Variants in MCF2L2 observed in about 807,000 individuals in gnomAD.
The protein encoded by MCF2L2 is probable guanine nucleotide exchange factor MCF2L2.
Under a neutral mutation model 150.2 loss-of-function variants are expected in MCF2L2, and 102 were observed. That is an observed-to-expected ratio of 0.68 (90% CI 0.58 to 0.80). The LOEUF (loss-of-function observed/expected upper bound fraction) is 0.80, where lower values mean the gene tolerates loss of function less well. Ranked by LOEUF, MCF2L2 falls within the 30% of genes least tolerant of loss-of-function variation. The probability of loss-of-function intolerance (pLI) is 0.00; values close to 1 mark genes in which losing one functional copy is unlikely to be tolerated. For missense variants in MCF2L2, 1,256 were observed against 1,372.8 expected (o/e 0.91, Z 1.34); for synonymous variants, 465 against 491.3 (o/e 0.95, Z 0.71).
chr3:183,380,520 G>T (rs1263719777), intron 2 of MCF2L2, among the ~76,000 whole-genome samples: 1 of 152,142 alleles, frequency 6.6e-6, no homozygotes, highest in Non-Finnish European at 1.5e-5. Context: ...TCCTGCCTCA[G>T]CCTCGTGAGT....
At chr3:183,319,216 A>G (rs1729713756) in intron 6 of MCF2L2, among the ~76,000 whole-genome samples, 1 of 152,256 alleles carries the variant, frequency 6.6e-6, no homozygotes, top group South Asian at 2.1e-4. Flanking sequence ...AAAGATGAAG[A>G]AATCACTTTT....
At chr3:183,410,670 G>T (rs537806761) in intron 1 of MCF2L2, among the ~76,000 whole-genome samples, 4 of 152,298 alleles carry the variant, frequency 2.6e-5, no homozygotes, top group Non-Finnish European at 5.9e-5. Context: ...GTTTTTCCCA[G>T]GCCAGCCTGT....
chr3:183,377,179 C>T (rs540642419), intron 3 of MCF2L2: 1 of 152,260 alleles, frequency 6.6e-6, no homozygotes, highest in East Asian at 1.9e-4. Context: ...TGTCCTAATG[C>T]TCTCCTTCCC....
intron 5 of MCF2L2, among the ~76,000 whole-genome samples, chr3:183,327,711 T>C (rs917132255): frequency 7.9e-5 from 12 of 152,240 alleles, no homozygotes; most frequent in Non-Finnish European, 1.8e-4. Flanking sequence ...CTGTCTGTTA[T>C]TTAGGCTGAC....
At chr3:183,252,677 G>A (rs1724612842) in intron 15 of MCF2L2, among the ~76,000 whole-genome samples, 1 of 152,088 alleles carries the variant, frequency 6.6e-6, no homozygotes, top group Admixed American at 6.6e-5. Context: ...ACCCTGATTC[G>A]ACAATCATAC....
chr3:183,369,050 A>C (rs1712703489), intron 3 of MCF2L2, among the ~76,000 whole-genome samples: 1 of 152,194 alleles, frequency 6.6e-6, no homozygotes, highest in Non-Finnish European at 1.5e-5. Context: ...ACACAATAGA[A>C]TAGTAAATAA....
chr3:183,189,607 G>C (rs982675480), intron 27 of MCF2L2, among the ~76,000 whole-genome samples: 2 of 149,802 alleles, frequency 1.3e-5, no homozygotes, highest in Non-Finnish European at 3.0e-5. Flanking sequence ...CAGGCAAAGA[G>C]AGCAGTTACC....
chr3:183,357,316 T>C (rs1711846506), intron 3 of MCF2L2, among the ~76,000 whole-genome samples: 1 of 152,168 alleles, frequency 6.6e-6, no homozygotes, highest in Non-Finnish European at 1.5e-5. Context: ...TCAACAGAAC[T>C]ACTTCTTGAG....
intron 5 of MCF2L2, among the ~76,000 whole-genome samples, chr3:183,327,093 G>A (rs974795739): frequency 2.0e-5 from 3 of 152,184 alleles, no homozygotes; most frequent in African/African-American, 4.8e-5. Context: ...TTGGGGGGCC[G>A]AGGCAGGCAG....
At chr3:183,316,467 C>T (rs1020854683) in intron 7 of MCF2L2, among the ~76,000 whole-genome samples, 1 of 151,502 alleles carries the variant, frequency 6.6e-6, no homozygotes, top group East Asian at 1.9e-4. Flanking sequence ...GCCTCAGCCT[C>T]CTGAATAGCT....
intron 3 of MCF2L2, among the ~76,000 whole-genome samples, chr3:183,355,829 A>G (rs1711746144): frequency 6.6e-6 from 1 of 151,930 alleles, no homozygotes. Flanking sequence ...AGCAATTTCA[A>G]GTCATGAAGC....
chr3:183,331,602 C>T (rs555875530), intron 5 of MCF2L2, among the ~76,000 whole-genome samples: 2 of 152,308 alleles, frequency 1.3e-5, no homozygotes, highest in African/African-American at 4.8e-5. Context: ...TTTTAAGCAA[C>T]CAATTTCCAC....
chr3:183,374,777 G>A (rs1454570002), intron 3 of MCF2L2: 1 of 152,076 alleles, frequency 6.6e-6, no homozygotes, highest in Non-Finnish European at 1.5e-5. Flanking sequence ...ATCCAGGTTT[G>A]GGCTGTGTTC....
intron 1 of MCF2L2, among the ~76,000 whole-genome samples, chr3:183,391,705 G>C (rs1410906989): frequency 6.6e-6 from 1 of 152,094 alleles, no homozygotes; most frequent in Non-Finnish European, 1.5e-5. Flanking sequence ...TAATTCTCTT[G>C]CTACGTTTCA....
chr3:183,277,337 CAA>C (rs540729678), intron 14 of MCF2L2, among the ~76,000 whole-genome samples: 42 of 105,748 alleles, frequency 4.0e-4, no homozygotes, highest in Middle Eastern at 5.0e-3. Flanking sequence ...ATGCCATATC[CAA>C]AAAAAAAAAA....
At chr3:183,202,462 C>T (rs1410065483) in intron 25 of MCF2L2, among the ~76,000 whole-genome samples, 8 of 152,164 alleles carry the variant, frequency 5.3e-5, no homozygotes, top group East Asian at 1.9e-4. Flanking sequence ...GACAGATCTG[C>T]GAAGGCCCCA....
At chr3:183,408,724 A>C (rs773260468) in intron 1 of MCF2L2, among the ~76,000 whole-genome samples, 2 of 152,232 alleles carry the variant, frequency 1.3e-5, no homozygotes, top group Non-Finnish European at 2.9e-5. Context: ...TAGGTAGAAA[A>C]AAACAGACAC....
intron 5 of MCF2L2, among the ~76,000 whole-genome samples, chr3:183,329,130 T>C (rs1164863864): frequency 1.3e-5 from 2 of 152,262 alleles, no homozygotes; most frequent in Non-Finnish European, 2.9e-5. Context: ...GCAATTTCTT[T>C]TAAAGTTAAA....
At chr3:183,233,352 CA>C (rs71185646) in intron 15 of MCF2L2, among the ~76,000 whole-genome samples, 47,498 of 146,304 alleles carry the variant, frequency 0.32, 7,707 homozygotes, top group African/African-American at 0.38. Flanking sequence ...AACTCCATCT[CA>C]AAAAAAAAAT....
Sources: gnomAD v4.1 joint callset for allele counts (sites outside exome capture counted in the v4.1 genomes callset) on GRCh38, gnomAD v4.1.1 for gene constraint, MANE v1.5 for transcripts, NCBI Gene and HGNC (gene_info 2026-07-23, HGNC 2026-07-21) for gene names.